The following CPD variants were observed in gnomAD, a reference collection of about 807,000 sequenced individuals.
CPD encodes carboxypeptidase D, also known as metallocarboxypeptidase D.
CPD carries 69 observed loss-of-function variants against 138.3 expected under a neutral mutation model. That is an observed-to-expected ratio of 0.50 (90% CI 0.41 to 0.61). The LOEUF is 0.61. Ranked by LOEUF, CPD falls within the 20% of genes least tolerant of loss-of-function variation. CPD has a pLI of 0.00. For synonymous variants in CPD, 651 were observed against 642.1 expected (o/e 1.01, Z -0.21); for missense variants, 1,432 against 1,733.3 (o/e 0.83, Z 3.09).
chr17:30,400,695 G>A (rs1057504615), intron 2 of CPD, among the ~76,000 whole-genome samples: 5 of 96,368 alleles, frequency 5.2e-5, no homozygotes, highest in African/African-American at 2.1e-4. Context: ...GTCTTACTCT[G>A]TTGCCCAGGC....
chr17:30,448,559 G>A (rs1389679594), intron 12 of CPD, among the ~76,000 whole-genome samples: 1 of 152,124 alleles, frequency 6.6e-6, no homozygotes, highest in Non-Finnish European at 1.5e-5. Flanking sequence ...TCATGAGAAA[G>A]CAATAAGGTT....
intron 2 of CPD, among the ~76,000 whole-genome samples, chr17:30,400,307 T>C (rs1911618313): frequency 6.6e-6 from 1 of 152,178 alleles, no homozygotes; most frequent in Non-Finnish European, 1.5e-5. Context: ...AATTAATATT[T>C]TACTTCAAGA....
At chr17:30,421,586 A>G (rs1912266237) in intron 3 of CPD, 78 bp from the exon 4 acceptor site, 3 of 1,232,814 alleles carry the variant, frequency 2.4e-6, no homozygotes, top group Non-Finnish European at 3.5e-6. Context: ...TAGAAATTCT[A>G]GTATCGGTGC....
At chr17:30,414,582 GAA>G (rs79924787) in intron 2 of CPD, among the ~76,000 whole-genome samples, 3 of 136,194 alleles carry the variant, frequency 2.2e-5, no homozygotes, top group African/African-American at 5.4e-5. Context: ...GACTGTCTCG[GAA>G]AAAAAAAAAA....
At chr17:30,421,571 T>C (rs1210472363) in intron 3 of CPD, 93 bp from the exon 4 acceptor site, 37 of 1,102,570 alleles carry the variant, frequency 3.4e-5, no homozygotes, top group African/African-American at 4.8e-5. Context: ...AGTCACTTTA[T>C]TTTTTAGAAA....
At chr17:30,415,874 A>G (rs1014967850) in intron 2 of CPD, among the ~76,000 whole-genome samples, 1 of 152,268 alleles carries the variant, frequency 6.6e-6, no homozygotes, top group Non-Finnish European at 1.5e-5. Context: ...TGCTAAGTGA[A>G]ATAAGCCAAA....
At chr17:30,462,121 T>G in intron 19 of CPD, 59 bp downstream of exon 19, 2 of 1,419,320 alleles carry the variant, frequency 1.4e-6, no homozygotes, top group Non-Finnish European at 1.9e-6. Context: ...ATACTTCTGT[T>G]TTATTTTGAA....
intron 8 of CPD, among the ~76,000 whole-genome samples, chr17:30,435,312 A>T (rs753184031): frequency 6.6e-6 from 1 of 152,158 alleles, no homozygotes; most frequent in Non-Finnish European, 1.5e-5. Context: ...AGACATATAG[A>T]TCAATGAAAT....
At chr17:30,391,119 C>T (rs922908234) in intron 2 of CPD, among the ~76,000 whole-genome samples, 2 of 144,032 alleles carry the variant, frequency 1.4e-5, no homozygotes, top group African/African-American at 5.2e-5. Flanking sequence ...CCTGAGCTAC[C>T]GTGCCTGGCC....
chr17:30,459,661 G>T (rs1320100261), intron 17 of CPD, among the ~76,000 whole-genome samples: 1 of 151,934 alleles, frequency 6.6e-6, no homozygotes, highest in Non-Finnish European at 1.5e-5. Context: ...TTGAATTTGA[G>T]CATTGGCTTT....
intron 2 of CPD, among the ~76,000 whole-genome samples, chr17:30,388,199 C>T (rs868012016): frequency 5.3e-5 from 8 of 152,170 alleles, no homozygotes; most frequent in African/African-American, 1.9e-4. Flanking sequence ...CCGATTGGTT[C>T]ATGGGCGCCA....
chr17:30,380,504 G>C, intron 1 of CPD: 1 of 1,358,408 alleles, frequency 7.4e-7, no homozygotes, highest in Non-Finnish European at 9.4e-7. Context: ...AGCCTGGGCA[G>C]AATGGCTAAT....
At chr17:30,412,439 A>G (rs1333026930) in intron 2 of CPD, among the ~76,000 whole-genome samples, 1 of 152,228 alleles carries the variant, frequency 6.6e-6, no homozygotes, top group African/African-American at 2.4e-5. Context: ...TTAAGTTTGC[A>G]GAAGTTGTCT....
At chr17:30,419,786 G>A (rs1038473970) in intron 2 of CPD, among the ~76,000 whole-genome samples, 3 of 152,180 alleles carry the variant, frequency 2.0e-5, no homozygotes, top group East Asian at 3.8e-4. Context: ...AATCTATGAC[G>A]GAAGCATATC....
intron 2 of CPD, among the ~76,000 whole-genome samples, chr17:30,396,049 T>C (rs1911498965): frequency 6.6e-6 from 1 of 152,182 alleles, no homozygotes; most frequent in South Asian, 2.1e-4. Flanking sequence ...ACCTAAAATT[T>C]TTTTACAAAC....
In CPD at chr17:30,427,404, T is replaced by A. The variant is rs1442471347; in HGVS notation, c.1863T>A (p.Ser621Arg). The A allele has an allele frequency of 6.2e-7, 1 of 1,614,030 alleles. No homozygotes were observed. Among genetic ancestry groups the A allele is most frequent in the Admixed American group, 1.7e-5 (1 of 60,012 alleles). Residue 621 changes from serine to arginine, a missense_variant, in exon 7 of 21, where the codon AGT becomes AGA. Coordinates refer to ENST00000225719, the MANE Select transcript of CPD (RefSeq NM_001304.5). ...CATATCATACAGGAGATTCAATAAG[T>A]GTAATTGGCAGAAACAACAGCAACA... is the stretch of plus-strand genomic sequence containing the variant. ...YEKSQEGDSI[S>R]VIGRNNSNNF...
intron 8 of CPD, among the ~76,000 whole-genome samples, chr17:30,432,735 C>T (rs1021214913): frequency 2.6e-4 from 40 of 151,810 alleles, no homozygotes; most frequent in African/African-American, 9.7e-4. Flanking sequence ...ATAGCAAGAG[C>T]TTGCCTCTAC....
intron 6 of CPD, among the ~76,000 whole-genome samples, chr17:30,425,901 G>A (rs1333411811): frequency 6.6e-6 from 1 of 152,148 alleles, no homozygotes; most frequent in Non-Finnish European, 1.5e-5. Flanking sequence ...AAAAAGATGT[G>A]TTTTAACTGT....
rs774014038 is a variant in CPD, at chr17:30,379,403, C to T, written c.423C>T (p.Asp141=). The T allele has an allele frequency of 6.4e-7, 1 of 1,550,578 alleles. No homozygotes were observed. The highest frequency in any genetic ancestry group is 1.2e-5 in the South Asian group (1 of 85,204). Residue 141 remains aspartate, a synonymous_variant, in exon 1 of 21, where the codon GAC becomes GAT. Coordinates refer to ENST00000225719, the MANE Select transcript of CPD (RefSeq NM_001304.5). This position sits in a 1 kb window ranked among gnomAD's most constrained non-coding sequence, Gnocchi z 7.0. ...AGCTGGTGGGCAACATGCATGGCGA[C>T]GAGACCGTGTCGCGCCAGGTGTTGA... ...QVKLVGNMHG[D]ETVSRQVLIY... is the part of the protein sequence containing the mutation.
Sources: gnomAD v4.1 joint callset for allele counts (sites outside exome capture counted in the v4.1 genomes callset) on GRCh38, gnomAD v4.1.1 for gene constraint, Gnocchi (gnomAD v3.1) non-coding constraint, MANE v1.5 for transcripts, NCBI Gene and HGNC (gene_info 2026-07-23, HGNC 2026-07-21) for gene names.